Variants in JMY observed in about 807,000 individuals in gnomAD.
JMY encodes junction mediating and regulatory protein, p53 cofactor.
JMY carries 46 observed loss-of-function variants against 103.3 expected under a neutral mutation model. The observed-to-expected ratio is 0.45, with a 90% CI of 0.35 to 0.57. The LOEUF is 0.57. JMY is among the 20% of genes least tolerant of loss of function. The pLI is 0.00. For synonymous variants in JMY, 526 were observed against 489.3 expected (o/e 1.07, Z -0.99); for missense variants, 1,238 against 1,255.2 (o/e 0.99, Z 0.21).
Position 79,291,193 on chromosome 5 carries a change from C to CTG in JMY, c.1422_1423dup (p.Glu475ValfsTer18). 6.2e-7 allele frequency: 1 copy of CTG among 1,613,220 alleles called. No homozygotes were observed. The highest frequency in any genetic ancestry group is 8.5e-7 in the Non-Finnish European group (1 of 1,179,648). Reference sequence around the variant, plus strand: ...GGTAAAGCATCATGGGCAGCGGCTGCTGAACGGATGGAAAAACTCCAGTAT... The same window carrying CTG: ...GGTAAAGCATCATGGGCAGCGGCTGCTGTGAACGGATGGAAAAACTCCAGTAT... On this transcript the variant is annotated frameshift_variant, in exon 4 of 11. Coordinates refer to ENST00000396137, the MANE Select transcript of JMY (RefSeq NM_152405.5). LOFTEE classifies it high-confidence loss of function.
rs1561297800 is a variant in JMY, at chr5:79,270,523, A to ATATTTACATAAATATTTAAAATG, written c.1033-7384_1033-7383insTTACATAAATATTTAAAATGTAT. On this transcript the variant is annotated intron_variant, in intron 1 of 10. Transcript: ENST00000396137. ...ATATATTTACATAAATATTTAAAAT[A>ATATTTACATAAATATTTAAAATG]TATATTTACATAAATATTTAAAATG... is the stretch of plus-strand genomic sequence containing the variant. Among the ~76,000 whole-genome samples the ATATTTACATAAATATTTAAAATG allele has an allele frequency of 3.9e-4, 19 of 48,216 alleles. 3 individuals are homozygous for ATATTTACATAAATATTTAAAATG. Among genetic ancestry groups the ATATTTACATAAATATTTAAAATG allele is most frequent in the African/African-American group, 2.2e-3 (17 of 7,568 alleles). 31.6% of individuals were successfully genotyped at this position (48,216 alleles called of 152,430 possible).
intron 1 of JMY, among the ~76,000 whole-genome samples, chr5:79,261,409 T>C (rs2112066357): frequency 6.6e-6 from 1 of 152,110 alleles, no homozygotes; most frequent in African/African-American, 2.4e-5. Context: ...ATCAAAAAAT[T>C]AGCCAGGCAT....
intron 10 of JMY, among the ~76,000 whole-genome samples, chr5:79,318,634 G>A (rs1053397069): frequency 1.3e-5 from 2 of 151,792 alleles, no homozygotes; most frequent in African/African-American, 2.4e-5. Flanking sequence ...TTCCTATTAT[G>A]TATACAGTTA....
At chr5:79,283,719 A>C (rs1201437568) in intron 2 of JMY, among the ~76,000 whole-genome samples, 3 of 152,180 alleles carry the variant, frequency 2.0e-5, no homozygotes, top group Non-Finnish European at 4.4e-5. Flanking sequence ...TCTCTACTGA[A>C]ACTCTAGGAA....
chr5:79,254,471 C>T lies in JMY; in HGVS notation c.1032+16789C>T, dbSNP rs141243262. On this transcript the variant is annotated intron_variant, in intron 1 of 10. Transcript: ENST00000396137. ...TTTCTTTCAGCACTTTATGTCATGCCGCTCTCTCCTGGCCTGTAAGGCTTC... is the reference window on the plus strand; with the variant it reads ...TTTCTTTCAGCACTTTATGTCATGCTGCTCTCTCCTGGCCTGTAAGGCTTC... Among the ~76,000 whole-genome samples the T allele has an allele frequency of 4.5e-4, 68 of 152,198 alleles. 1 individual carries two copies. Among genetic ancestry groups the T allele is most frequent in the African/African-American group, 1.4e-3 (57 of 41,508 alleles).
At chr5:79,292,038 T>C (rs1561307290) in intron 4 of JMY, among the ~76,000 whole-genome samples, 1 of 152,220 alleles carries the variant, frequency 6.6e-6, no homozygotes, top group African/African-American at 2.4e-5. Context: ...TTTTTGTTGA[T>C]GGATTTTTAT....
At chr5:79,292,148 C>T (rs949101157) in intron 4 of JMY, among the ~76,000 whole-genome samples, 2 of 152,126 alleles carry the variant, frequency 1.3e-5, no homozygotes, top group African/African-American at 2.4e-5. Flanking sequence ...TATTCAGAAT[C>T]GCTGTGCATG....
chr5:79,281,484 C>T (rs1242197591), intron 2 of JMY, among the ~76,000 whole-genome samples: 6 of 149,026 alleles, frequency 4.0e-5, no homozygotes, highest in African/African-American at 1.5e-4. Context: ...ACAGATTTTT[C>T]AGCTCCAATA....
At chr5:79,238,648 CTTT>C (rs1055172051) in intron 1 of JMY, among the ~76,000 whole-genome samples, 14 of 120,680 alleles carry the variant, frequency 1.2e-4, no homozygotes, top group South Asian at 2.9e-4. Flanking sequence ...TCCGCGCCTT[CTTT>C]TTTTTTTTTT....
intron 8 of JMY, 29 bp from the exon 9 acceptor site, chr5:79,314,228 A>G (rs1747135664): frequency 6.4e-7 from 1 of 1,570,982 alleles, no homozygotes; most frequent in Non-Finnish European, 8.6e-7. Context: ...ATAACATTTA[A>G]CCAGTTCCAA....
intron 1 of JMY, among the ~76,000 whole-genome samples, chr5:79,269,916 A>T (rs1331229851): frequency 6.6e-6 from 1 of 151,790 alleles, no homozygotes; most frequent in East Asian, 1.9e-4. Flanking sequence ...TTTTTTGTAT[A>T]CATGATGTCC....
At chr5:79,306,523 A>G in intron 7 of JMY, 62 bp downstream of exon 7, 1 of 1,103,852 alleles carries the variant, frequency 9.1e-7, no homozygotes, top group Non-Finnish European at 1.4e-6. Context: ...TAGAGTGGAT[A>G]AAATCTGTAG....
At chr5:79,270,624 A>AATATATTTACATAAATATTTATATAAAAT (rs1226732847) in intron 1 of JMY, among the ~76,000 whole-genome samples, 1 of 138,960 alleles carries the variant, frequency 7.2e-6, no homozygotes, top group Non-Finnish European at 1.5e-5. Flanking sequence ...GTTTATATAA[A>AATATATTTACATAAATATTTATATAAAAT]ATATATTTAC....
chr5:79,255,120 T>C (rs1266349740), intron 1 of JMY, among the ~76,000 whole-genome samples: 3 of 137,084 alleles, frequency 2.2e-5, no homozygotes, highest in African/African-American at 5.8e-5. Context: ...GTCACATATC[T>C]CTCTCTCCTT....
chr5:79,279,001 T>C (rs1028039978), intron 2 of JMY, among the ~76,000 whole-genome samples: 1 of 152,136 alleles, frequency 6.6e-6, no homozygotes, highest in Non-Finnish European at 1.5e-5. Context: ...GAACTTTAAA[T>C]ACATGAAATT....
rs375133982 is a variant in JMY at position 79,316,069 on chromosome 5, A to G, written c.2729A>G (p.Gln910Arg). Residue 910 changes from glutamine to arginine, a missense_variant, in exon 10 of 11, where the codon CAG becomes CGG. By Grantham distance (43) the Gln-to-Arg change is conservative. Transcript: ENST00000396137. ...RGSFHLKKVE[Q>R]RTLPPFPDED... Reference sequence around the variant, plus strand: ...AGTTTTCATCTGAAAAAGGTTGAACAGCGAACTCTGCCTCCTTTTCCTGAT... The same window carrying G: ...AGTTTTCATCTGAAAAAGGTTGAACGGCGAACTCTGCCTCCTTTTCCTGAT... 109 of 1,614,116 alleles carry G rather than the reference A, an allele frequency of 6.8e-5. No homozygotes were observed. The highest frequency in any genetic ancestry group is 9.2e-5 in the Non-Finnish European group (108 of 1,180,028).
At chr5:79,318,115 C>T (rs1263856115) in intron 10 of JMY, among the ~76,000 whole-genome samples, 1 of 152,114 alleles carries the variant, frequency 6.6e-6, no homozygotes, top group Non-Finnish European at 1.5e-5. Flanking sequence ...GAATCTCGTG[C>T]CTCAGCCTCC....
At position 79,309,999 on chromosome 5, in the gene JMY, G is replaced by GATCTATTT. The variant is rs1746998262; in HGVS notation, c.1969-2403_1969-2396dup. Among the ~76,000 whole-genome samples, 6 of 147,870 alleles carry GATCTATTT rather than the reference G, an allele frequency of 4.1e-5. No individual in the cohort carries two copies. In the South Asian group the frequency reaches 1.3e-3, roughly 32 times the overall value. On this transcript the variant is annotated intron_variant, in intron 7 of 10. Coordinates refer to ENST00000396137, the MANE Select transcript of JMY (RefSeq NM_152405.5). ...GAATGAGTATCAGATCTTTTTCCCA[G>GATCTATTT]ATCTATTTTTTGGGGGCAACAGGAG...
intron 1 of JMY, among the ~76,000 whole-genome samples, chr5:79,272,599 T>C: frequency 6.6e-6 from 1 of 152,192 alleles, no homozygotes; most frequent in Admixed American, 6.6e-5. Context: ...GTGGTTGCCA[T>C]AGGGATTAAA....
Sources: gnomAD v4.1 joint callset for allele counts (sites outside exome capture counted in the v4.1 genomes callset) on GRCh38, gnomAD v4.1.1 for gene constraint, MANE v1.5 for transcripts, NCBI Gene and HGNC (gene_info 2026-07-23, HGNC 2026-07-21) for gene names.